Variants in RORA observed in about 807,000 individuals in gnomAD.
RORA encodes the protein nuclear receptor ROR-alpha.
Under a neutral mutation model 69.5 loss-of-function variants are expected in RORA, and 7 were observed. The observed-to-expected ratio is 0.10, with a 90% CI of 0.06 to 0.19. RORA has a LOEUF of 0.19. Ranked by LOEUF, RORA falls within the 10% of genes least tolerant of loss-of-function variation. The pLI is 1.00. For synonymous variants in RORA, 261 were observed against 240.8 expected (o/e 1.08, Z -0.78); for missense variants, 457 against 663.0 (o/e 0.69, Z 3.41).
At chr15:60,625,406 C>T (rs192149241) in intron 2 of RORA, among the ~76,000 whole-genome samples, 1 of 152,312 alleles carries the variant, frequency 6.6e-6, no homozygotes, top group African/African-American at 2.4e-5. Context: ...TTTGCAACGT[C>T]CATTAATATT....
chr15:61,056,923 C>T (rs2078104643), intron 1 of RORA, among the ~76,000 whole-genome samples: 1 of 152,226 alleles, frequency 6.6e-6, no homozygotes, highest in South Asian at 2.1e-4. Flanking sequence ...TCCCTCTTGG[C>T]TCCTGACTTT....
chr15:60,678,618 T>C, intron 2 of RORA, 39 bp downstream of exon 2: 1 of 1,523,860 alleles, frequency 6.6e-7, no homozygotes. Flanking sequence ...ATTCCAACTC[T>C]TCAGAAAACT....
intron 1 of RORA, among the ~76,000 whole-genome samples, chr15:60,721,314 A>G (rs1228505055): frequency 6.6e-6 from 1 of 152,252 alleles, no homozygotes; most frequent in Non-Finnish European, 1.5e-5. Context: ...GTTATTTTAC[A>G]CATGGTCTCA....
At chr15:61,138,927 C>T (rs1159533225) in intron 1 of RORA, among the ~76,000 whole-genome samples, 3 of 152,192 alleles carry the variant, frequency 2.0e-5, no homozygotes, top group Non-Finnish European at 4.4e-5. Context: ...GGGTGGACCA[C>T]GAGGTCAGGA....
intron 1 of RORA, among the ~76,000 whole-genome samples, chr15:60,717,621 T>A (rs773586062): frequency 6.6e-6 from 1 of 152,148 alleles, no homozygotes. Context: ...TTTGGCATTG[T>A]CATTAATTAA....
chr15:60,795,456 C>T (rs751225228), intron 1 of RORA, among the ~76,000 whole-genome samples: 1 of 152,142 alleles, frequency 6.6e-6, no homozygotes, highest in Non-Finnish European at 1.5e-5. Flanking sequence ...TATTTTTGAG[C>T]TAAGAATTTG....
At position 60,525,049 on chromosome 15, in the gene RORA, A is replaced by G. The variant is rs79462055; in HGVS notation, c.282+6717T>C. On this transcript the variant is annotated intron_variant, in intron 3 of 10. Transcript: ENST00000335670. The stretch of plus-strand genomic sequence containing the variant: ...GCACCAAGACAAACATGTAGGGCCG[A>G]CTGAATAACAACAACAACAACAAAA... Among the ~76,000 whole-genome samples the G allele has an allele frequency of 8.5e-3, 1,301 of 152,202 alleles. 29 individuals are homozygous for G. The highest frequency in any genetic ancestry group is 0.03 in the African/African-American group (1,242 of 41,526).
chr15:60,627,560 C>A, intron 2 of RORA: 1 of 1,347,554 alleles, frequency 7.4e-7, no homozygotes, highest in Non-Finnish European at 9.5e-7. Context: ...ATCCCAGCCA[C>A]AAAGAATGAG....
intron 1 of RORA, among the ~76,000 whole-genome samples, chr15:61,065,840 C>A (rs57567672): frequency 6.6e-6 from 1 of 152,182 alleles, no homozygotes; most frequent in African/African-American, 2.4e-5. Context: ...AGACTCTGAT[C>A]CTACTCCTTT....
intron 1 of RORA, among the ~76,000 whole-genome samples, chr15:60,910,132 G>C (rs1891662587): frequency 6.6e-6 from 1 of 152,196 alleles, no homozygotes; most frequent in South Asian, 2.1e-4. Flanking sequence ...CAGGTTCAGA[G>C]TCAGATCCAT....
At chr15:60,917,761 C>G (rs1891922318) in intron 1 of RORA, among the ~76,000 whole-genome samples, 1 of 152,244 alleles carries the variant, frequency 6.6e-6, no homozygotes, top group African/African-American at 2.4e-5. Context: ...CGTGTAATCC[C>G]TTTCCCTCAC....
intron 1 of RORA, among the ~76,000 whole-genome samples, chr15:60,708,781 A>T (rs1171030542): frequency 6.6e-6 from 1 of 152,254 alleles, no homozygotes; most frequent in Non-Finnish European, 1.5e-5. Context: ...TTTATATATC[A>T]GAGCTCAGGC....
chr15:60,843,108 G>T lies in RORA; in HGVS notation c.167-164422C>A, dbSNP rs77261425. On this transcript the variant is annotated intron_variant, in intron 1 of 10. Coordinates refer to ENST00000335670, the MANE Select transcript of RORA (RefSeq NM_134261.3). Reference sequence around the variant, plus strand: ...CTCAGCCAAGAAGCTGGGTTCTGCCGCTCTCCCTCCCCCTGCTGTTCTGCT... The same window carrying T: ...CTCAGCCAAGAAGCTGGGTTCTGCCTCTCTCCCTCCCCCTGCTGTTCTGCT... Among the ~76,000 whole-genome samples, 975 of 152,186 alleles carry T rather than the reference G, an allele frequency of 6.4e-3. 4 individuals carry two copies. Among genetic ancestry groups the T allele is most frequent in the East Asian group, 0.026 (133 of 5,168 alleles).
chr15:60,760,813 G>T (rs1263734580), intron 1 of RORA, among the ~76,000 whole-genome samples: 2 of 151,804 alleles, frequency 1.3e-5, no homozygotes, highest in East Asian at 3.9e-4. Context: ...AAGTCTTCTG[G>T]GTAATTGAAT....
intron 1 of RORA, among the ~76,000 whole-genome samples, chr15:60,812,333 A>G (rs80060108): frequency 0.063 from 9,617 of 152,130 alleles, 389 homozygotes; most frequent in Admixed American, 0.092. Context: ...CTGAGACCCC[A>G]TCTCTACAAA....
chr15:60,707,285 A>AAAGGGAC (rs1195669580), intron 1 of RORA, among the ~76,000 whole-genome samples: 9 of 152,064 alleles, frequency 5.9e-5, no homozygotes, highest in Admixed American at 5.9e-4. Context: ...TGCCCCTCAT[A>AAAGGGAC]CAAGTACGAA....
intron 1 of RORA, among the ~76,000 whole-genome samples, chr15:60,825,961 G>A (rs1026744888): frequency 5.3e-5 from 8 of 152,224 alleles, no homozygotes; most frequent in Non-Finnish European, 1.0e-4. Flanking sequence ...GGGCTTCAAA[G>A]CCCTTTTAAA....
chr15:60,654,109 A>T (rs1438425385), intron 2 of RORA, among the ~76,000 whole-genome samples: 4 of 152,208 alleles, frequency 2.6e-5, no homozygotes, highest in Non-Finnish European at 5.9e-5. Flanking sequence ...GAGCTGCTGA[A>T]TAAAGACTTG....
Position 60,492,363 on chromosome 15 carries a change from C to T in RORA, c.*5092G>A, listed in dbSNP as rs2065057183. On this transcript the variant is annotated 3_prime_UTR_variant, in exon 11 of 11. Coordinates refer to ENST00000335670, the MANE Select transcript of RORA (RefSeq NM_134261.3). ...GCTCGAGTTGCTGCTGTCATACAGGCAGGTTTTGTTTTGTCTTTAAACATT... is the reference window on the plus strand; with the variant it reads ...GCTCGAGTTGCTGCTGTCATACAGGTAGGTTTTGTTTTGTCTTTAAACATT... 6.6e-6 allele frequency: 1 copy of T among 152,088 alleles called. No homozygotes were observed. The highest frequency in any genetic ancestry group is 6.6e-5 in the Admixed American group (1 of 15,260). 9.4% of individuals were successfully genotyped at this position (152,088 alleles called of 1,614,324 possible).
Sources: gnomAD v4.1 joint callset for allele counts (sites outside exome capture counted in the v4.1 genomes callset) on GRCh38, gnomAD v4.1.1 for gene constraint, MANE v1.5 for transcripts, NCBI Gene and HGNC (gene_info 2026-07-23, HGNC 2026-07-21) for gene names.